The following PTPRN2 variants were observed in gnomAD, a reference collection of about 807,000 sequenced individuals.
PTPRN2 encodes protein tyrosine phosphatase receptor type N2.
Under a neutral mutation model 118.8 loss-of-function variants are expected in PTPRN2, and 74 were observed. That is an observed-to-expected ratio of 0.62 (90% CI 0.52 to 0.76). The LOEUF (loss-of-function observed/expected upper bound fraction) is 0.76. Among genes scored for constraint, PTPRN2 ranks in the 30% least tolerant of loss-of-function variants. PTPRN2 has a pLI of 0.00. For synonymous variants in PTPRN2, 641 were observed against 608.0 expected, an observed-to-expected ratio of 1.05 and a Z score of -0.80; for missense variants, 1,481 against 1,394.4, an observed-to-expected ratio of 1.06 and a Z score of -0.99.
In PTPRN2 at chr7:157,690,091, AG is replaced by A. The variant is rs1797399978; in HGVS notation, c.1789-7155del. ...TGCAGGGAGTGGGGAGCAACGCGAA[AG>A]GCCGAGAGAAGAGCGCTGGGGAGAA... On this transcript the variant is annotated intron_variant, in intron 12 of 22. Transcript: ENST00000389418. This position sits in a 1 kb window ranked among gnomAD's most constrained non-coding sequence, Gnocchi z 7.1. 6.6e-6 allele frequency among the ~76,000 whole-genome samples: 1 copy of A among 152,210 alleles called. No homozygotes were observed. The highest frequency in any genetic ancestry group is 6.5e-5 in the Admixed American group (1 of 15,294).
intron 1 of PTPRN2, among the ~76,000 whole-genome samples, chr7:158,564,522 G>A (rs938765175): frequency 2.0e-5 from 3 of 152,254 alleles, no homozygotes; most frequent in African/African-American, 7.2e-5. Context: ...CTGAAGCATG[G>A]AACCAACACG....
intron 12 of PTPRN2, among the ~76,000 whole-genome samples, chr7:157,793,969 C>T (rs1322821905): frequency 3.9e-5 from 6 of 152,160 alleles, no homozygotes; most frequent in Admixed American, 1.3e-4. Context: ...TCTGAGGCCA[C>T]GCTGAGGGCC....
intron 11 of PTPRN2, among the ~76,000 whole-genome samples, chr7:157,994,157 C>T (rs1023467109): frequency 2.0e-5 from 3 of 152,168 alleles, no homozygotes; most frequent in African/African-American, 7.2e-5. Flanking sequence ...TACTTCACTA[C>T]AGGCCATTAA....
At chr7:158,551,297 C>T (rs1037181836) in intron 1 of PTPRN2, among the ~76,000 whole-genome samples, 1 of 152,244 alleles carries the variant, frequency 6.6e-6, no homozygotes, top group Non-Finnish European at 1.5e-5. Context: ...GAGCCACTCT[C>T]GTGACCTCAC....
At chr7:157,647,012 A>G (rs1380600010) in intron 14 of PTPRN2, among the ~76,000 whole-genome samples, 6 of 137,418 alleles carry the variant, frequency 4.4e-5, no homozygotes, top group East Asian at 2.6e-4. Context: ...GGACCCATTC[A>G]CTGTGCACTG....
intron 12 of PTPRN2, among the ~76,000 whole-genome samples, chr7:157,747,823 G>A (rs1389125838): frequency 3.7e-4 from 47 of 126,838 alleles, no homozygotes; most frequent in African/African-American, 1.3e-3. Context: ...TGAGGCCTGC[G>A]TCCCTGAGCT....
At chr7:158,185,974 C>A (rs1445400075) in intron 5 of PTPRN2, among the ~76,000 whole-genome samples, 2 of 150,620 alleles carry the variant, frequency 1.3e-5, no homozygotes, top group African/African-American at 4.9e-5. Context: ...ATGGGGCACT[C>A]CATAGAGGCC....
intron 2 of PTPRN2, among the ~76,000 whole-genome samples, chr7:158,413,536 C>T (rs1021276921): frequency 1.3e-5 from 2 of 152,218 alleles, no homozygotes; most frequent in African/African-American, 4.8e-5. Context: ...GATCTCTTGT[C>T]CTTAACCTTT....
intron 5 of PTPRN2, among the ~76,000 whole-genome samples, chr7:158,178,676 C>T (rs1031029940): frequency 1.4e-5 from 2 of 142,426 alleles, no homozygotes; most frequent in Non-Finnish European, 3.0e-5. Context: ...CAGCTCACTG[C>T]AACCTCCAAC....
In PTPRN2 at chr7:157,576,602, G is replaced by T. The variant is rs760577958; in HGVS notation, c.2783+11C>A. 6 of 1,600,722 alleles carry T rather than the reference G, an allele frequency of 3.7e-6. No homozygotes were observed. Among genetic ancestry groups the T allele is most frequent in the Non-Finnish European group, 5.1e-6 (6 of 1,172,108 alleles). ...GCGCGCACTGCCCTGCCGGCGGGCCGCGCGTCATACCTGCGGAAGTCCAGG... is the reference window on the plus strand; with the variant it reads ...GCGCGCACTGCCCTGCCGGCGGGCCTCGCGTCATACCTGCGGAAGTCCAGG... On this transcript the variant is annotated intron_variant, in intron 19 of 22. Coordinates refer to ENST00000389418, the MANE Select transcript of PTPRN2 (RefSeq NM_002847.5).
intron 1 of PTPRN2, among the ~76,000 whole-genome samples, chr7:158,512,577 C>G (rs1427371261): frequency 1.3e-5 from 2 of 152,170 alleles, no homozygotes; most frequent in Non-Finnish European, 2.9e-5. Context: ...CACACACACA[C>G]ATCTTCTCGC....
chr7:157,578,239 T>C (rs1156460750), intron 17 of PTPRN2, 99 bp from the exon 18 acceptor site: 2 of 1,346,804 alleles, frequency 1.5e-6, no homozygotes, highest in South Asian at 3.2e-5. Context: ...ATTTATTCCA[T>C]TCACAGGACA....
chr7:157,996,156 A>C (rs1389012110), intron 11 of PTPRN2, among the ~76,000 whole-genome samples: 1 of 152,254 alleles, frequency 6.6e-6, no homozygotes, highest in African/African-American at 2.4e-5. Flanking sequence ...TGGAGCCATT[A>C]TCTTGAGTGA....
At chr7:157,842,539 T>C (rs975530815) in intron 12 of PTPRN2, among the ~76,000 whole-genome samples, 1 of 151,220 alleles carries the variant, frequency 6.6e-6, no homozygotes, top group African/African-American at 2.4e-5. Context: ...CTCAACCTCC[T>C]GAGTAGCTGG....
chr7:158,395,968 G>A (rs1028167987), intron 2 of PTPRN2, among the ~76,000 whole-genome samples: 6 of 152,068 alleles, frequency 3.9e-5, no homozygotes, highest in African/African-American at 1.5e-4. Flanking sequence ...AGAGGTGAGA[G>A]TGGGGCCTCA....
At chr7:158,027,025 A>C (rs775808156) in intron 11 of PTPRN2, among the ~76,000 whole-genome samples, 1 of 152,126 alleles carries the variant, frequency 6.6e-6, no homozygotes, top group Non-Finnish European at 1.5e-5. Flanking sequence ...TCACGGGCAC[A>C]GCACACCTGC....
At chr7:158,139,496 GGGGT>G (rs1819173503) in intron 6 of PTPRN2, among the ~76,000 whole-genome samples, 1 of 152,076 alleles carries the variant, frequency 6.6e-6, no homozygotes, top group African/African-American at 2.4e-5. Context: ...AGGGCACGGG[GGGGT>G]GGGAAAGGAA....
Position 158,565,549 on chromosome 7 carries a change from C to T in PTPRN2, c.112+22009G>A, listed in dbSNP as rs137987965. On this transcript the variant is annotated intron_variant, in intron 1 of 22. Transcript: ENST00000389418. This position sits in a 1 kb window ranked among gnomAD's most constrained non-coding sequence, Gnocchi z 4.6. ...AGCTCAATGGTGAGAAATCTTAACT[C>T]GGACGGCAAACTTCCCGTCTGGGAT... is the stretch of plus-strand genomic sequence containing the variant. Among the ~76,000 whole-genome samples, 20 of 152,270 alleles carry T rather than the reference C, an allele frequency of 1.3e-4. No individual in the cohort carries two copies. Among genetic ancestry groups the T allele is most frequent in the African/African-American group, 4.6e-4 (19 of 41,542 alleles).
rs563374522 is a variant in PTPRN2, at chr7:158,565,852, G to A, written c.112+21706C>T. Among the ~76,000 whole-genome samples, 20 of 152,280 alleles carry A rather than the reference G, an allele frequency of 1.3e-4. No individual in the cohort carries two copies. In the East Asian group the frequency reaches 3.3e-3, roughly 25 times the overall value. On this transcript the variant is annotated intron_variant, in intron 1 of 22. Transcript: ENST00000389418. The surrounding 1 kb of genome is among the most constrained non-coding windows in gnomAD (Gnocchi z 4.6). Reference sequence around the variant, plus strand: ...GCCAGATGCAGGATATTCTGATGAGGAAACCGAGGCATGGAGCTTCTTAGG... The same window carrying A: ...GCCAGATGCAGGATATTCTGATGAGAAAACCGAGGCATGGAGCTTCTTAGG...
Sources: allele counts gnomAD v4.1 joint callset (sites outside exome capture counted in the v4.1 genomes callset), GRCh38; gene constraint gnomAD v4.1.1; non-coding constraint Gnocchi (gnomAD v3.1); transcripts MANE v1.5; gene names NCBI Gene and HGNC (gene_info 2026-07-23, HGNC 2026-07-21).